The following E2F3 variants were observed in gnomAD, a reference collection of about 807,000 sequenced individuals.
E2F3 encodes the protein E2F transcription factor 3, also known as transcription factor E2F3.
A neutral mutation model predicts 44.4 loss-of-function variants in E2F3; 11 were observed. The observed-to-expected ratio is 0.25, with a 90% CI of 0.16 to 0.41. The LOEUF (loss-of-function observed/expected upper bound fraction) is 0.41. Ranked by LOEUF, E2F3 falls within the 10% of genes least tolerant of loss-of-function variation. The probability of loss-of-function intolerance (pLI) is 1.00; values close to 1 mark genes in which losing one functional copy is unlikely to be tolerated. For missense variants in E2F3, 487 were observed against 583.6 expected, an observed-to-expected ratio of 0.83 and a Z score of 1.70; for synonymous variants, 249 against 253.0, an observed-to-expected ratio of 0.98 and a Z score of 0.15.
At chr6:20,482,220 C>T (rs1762247262) in intron 3 of E2F3, among the ~76,000 whole-genome samples, 1 of 152,068 alleles carries the variant, frequency 6.6e-6, no homozygotes, top group African/African-American at 2.4e-5. Flanking sequence ...GTGCACTAGT[C>T]TCAGTTCTTG....
At chr6:20,447,339 T>TGAGA (rs140836992) in intron 1 of E2F3, among the ~76,000 whole-genome samples, 8 of 149,908 alleles carry the variant, frequency 5.3e-5, no homozygotes, top group Non-Finnish European at 8.9e-5. Context: ...TGTGTGTGTA[T>TGAGA]GAGAGAGAGA....
chr6:20,446,503 A>T (rs151267492), intron 1 of E2F3, among the ~76,000 whole-genome samples: 6 of 152,204 alleles, frequency 3.9e-5, no homozygotes, highest in Non-Finnish European at 8.8e-5. Flanking sequence ...GCTGACCCCA[A>T]TGTAAAATGC....
chr6:20,433,695 T>C (rs912058391), intron 1 of E2F3, among the ~76,000 whole-genome samples: 1 of 152,186 alleles, frequency 6.6e-6, no homozygotes, highest in Non-Finnish European at 1.5e-5. Flanking sequence ...ATATTTTGAA[T>C]AGCTATATTT....
intron 1 of E2F3, among the ~76,000 whole-genome samples, chr6:20,441,990 A>T (rs1240714958): frequency 6.8e-6 from 1 of 146,252 alleles, no homozygotes; most frequent in East Asian, 2.0e-4. Context: ...TCCGCATGTC[A>T]CCCAACCTTT....
intron 1 of E2F3, among the ~76,000 whole-genome samples, chr6:20,470,794 G>T (rs963586052): frequency 6.6e-6 from 1 of 152,078 alleles, no homozygotes; most frequent in Non-Finnish European, 1.5e-5. Flanking sequence ...TTTTCCTGTG[G>T]CTCAGTGGCA....
chr6:20,426,193 G>A (rs1016805761), intron 1 of E2F3, among the ~76,000 whole-genome samples: 4 of 152,220 alleles, frequency 2.6e-5, no homozygotes, highest in African/African-American at 9.6e-5. Context: ...TTAATTGGCA[G>A]TGGTGGTGGG....
chr6:20,415,300 G>A (rs1030607507), intron 1 of E2F3, among the ~76,000 whole-genome samples: 5 of 152,182 alleles, frequency 3.3e-5, no homozygotes, highest in Non-Finnish European at 5.9e-5. Flanking sequence ...AGTTTCTTAG[G>A]CATCCAAACT....
At chr6:20,468,705 C>A (rs977883890) in intron 1 of E2F3, among the ~76,000 whole-genome samples, 13 of 152,162 alleles carry the variant, frequency 8.5e-5, no homozygotes, top group African/African-American at 2.9e-4. Flanking sequence ...TTCCAGTGAC[C>A]ATTGTCCATC....
chr6:20,421,679 A>G (rs1250087991), intron 1 of E2F3: 1 of 152,238 alleles, frequency 6.6e-6, no homozygotes, highest in Non-Finnish European at 1.5e-5. Flanking sequence ...GATTTAACAT[A>G]GTTCTTTTTT....
chr6:20,437,231 A>G (rs543050982), intron 1 of E2F3, among the ~76,000 whole-genome samples: 2 of 152,344 alleles, frequency 1.3e-5, no homozygotes, highest in Non-Finnish European at 2.9e-5. Context: ...GTCATTGCCA[A>G]CTACAGGTGA....
At chr6:20,420,496 G>A (rs950665557) in intron 1 of E2F3, among the ~76,000 whole-genome samples, 2 of 151,936 alleles carry the variant, frequency 1.3e-5, no homozygotes, top group African/African-American at 4.8e-5. Flanking sequence ...CAGAGATATT[G>A]CAGGTCTGAT....
rs1158051118 is a variant in E2F3 at position 20,491,284 on chromosome 6, A to C, written c.*854A>C. On this transcript the variant is annotated 3_prime_UTR_variant, in exon 7 of 7. Coordinates refer to ENST00000346618, the MANE Select transcript of E2F3 (RefSeq NM_001949.5). ...TTTAAGCATTCCTGTGGCACCCATC[A>C]CCATTTCAATTTAATTGTTTACTTT... 1.3e-5 allele frequency: 3 copies of C among 230,958 alleles called. No homozygotes were observed. The highest frequency in any genetic ancestry group is 6.6e-5 in the African/African-American group (3 of 45,186). The allele number at this position is 230,958 out of a possible 1,614,324, so 14.3% of individuals were successfully genotyped here. A position where few individuals can be genotyped will look rare whatever the true frequency, so the allele number is the denominator to read the frequency against.
At position 20,432,349 on chromosome 6, in the gene E2F3, C is replaced by G. The variant is rs560820033; in HGVS notation, c.393+29724C>G. Among the ~76,000 whole-genome samples, 12 of 152,322 alleles carry G rather than the reference C, an allele frequency of 7.9e-5. No homozygotes were observed. The South Asian group carries it at 2.3e-3, about 29-fold the overall frequency. ...ACCTCCTTTTAGATTAACTGCGCAG[C>G]CTGTGTCTTCACTTCTGCTCTGTAC... is the stretch of plus-strand genomic sequence containing the variant. On this transcript the variant is annotated intron_variant, in intron 1 of 6. Transcript: ENST00000346618.
chr6:20,481,609 A>G (rs1762227062), intron 3 of E2F3, among the ~76,000 whole-genome samples, 184 bp downstream of exon 3: 1 of 152,122 alleles, frequency 6.6e-6, no homozygotes, highest in Non-Finnish European at 1.5e-5. Flanking sequence ...TCTCTTTACA[A>G]AGAGACTTTG....
chr6:20,492,345 C>G lies in E2F3; in HGVS notation c.*1915C>G, dbSNP rs529375562. 359 of 233,492 alleles carry G rather than the reference C, an allele frequency of 1.5e-3. No homozygotes were observed. Among genetic ancestry groups the G allele is most frequent in the Non-Finnish European group, 2.4e-3 (287 of 117,912 alleles). 14.5% of individuals were successfully genotyped at this position (233,492 alleles called of 1,614,324 possible). On this transcript the variant is annotated 3_prime_UTR_variant, in exon 7 of 7. Transcript: ENST00000346618. ...TATCTTCCTTTTTTTCTTCTTCAGC[C>G]TCCATCCCTGGCCTCCTCCCCTCAC... is the stretch of plus-strand genomic sequence containing the variant.
intron 4 of E2F3, among the ~76,000 whole-genome samples, chr6:20,485,382 C>T (rs1162451120): frequency 6.6e-6 from 1 of 152,078 alleles, no homozygotes; most frequent in Non-Finnish European, 1.5e-5. Flanking sequence ...AGTTCAAGAC[C>T]AGCCTGGGCA....
intron 1 of E2F3, among the ~76,000 whole-genome samples, chr6:20,475,935 C>T (rs997148449): frequency 6.6e-6 from 1 of 152,200 alleles, no homozygotes; most frequent in African/African-American, 2.4e-5. Context: ...GTAGTATCTT[C>T]CTGGCGGTCA....
intron 1 of E2F3, among the ~76,000 whole-genome samples, chr6:20,426,284 A>T (rs929900014): frequency 2.6e-5 from 4 of 152,186 alleles, no homozygotes; most frequent in African/African-American, 7.2e-5. Context: ...GGGGAATTAA[A>T]TCTTAGTGTC....
rs530267369 is a variant in E2F3, at chr6:20,489,272, A to G, written c.1136-896A>G. Among the ~76,000 whole-genome samples the G allele has an allele frequency of 2.0e-4, 31 of 152,266 alleles. No homozygotes were observed. The South Asian group carries it at 6.4e-3, about 32-fold the overall frequency. Reference sequence around the variant, plus strand: ...AAAGTGGATCTGTCTTATTGTATGTATTTTTAGAGATCTTTTTAATAAGCT... The same window carrying G: ...AAAGTGGATCTGTCTTATTGTATGTGTTTTTAGAGATCTTTTTAATAAGCT... On this transcript the variant is annotated intron_variant, in intron 6 of 6. Transcript: ENST00000346618.
Sources: allele counts gnomAD v4.1 joint callset (sites outside exome capture counted in the v4.1 genomes callset), GRCh38; gene constraint gnomAD v4.1.1; transcripts MANE v1.5; gene names NCBI Gene and HGNC (gene_info 2026-07-23, HGNC 2026-07-21).